C12orf42: variants seen among roughly 807,000 people sequenced by gnomAD.
C12orf42 encodes uncharacterized protein C12orf42.
In C12orf42, 25 loss-of-function variants were observed where a neutral mutation model predicts 21.6. That is an observed-to-expected ratio of 1.16 (90% CI 0.84 to 1.62). The LOEUF (loss-of-function observed/expected upper bound fraction) is 1.62, where lower values mean the gene tolerates loss of function less well. Ranked by LOEUF, C12orf42 falls within the 40% of genes most tolerant of loss-of-function variation. C12orf42 has a pLI of 0.00. For missense variants in C12orf42, 483 were observed against 459.3 expected (o/e 1.05, Z -0.47); for synonymous variants, 174 against 175.0 (o/e 0.99, Z 0.05).
the C12orf42 span, among the ~76,000 whole-genome samples, chr12:103,156,727 T>A: frequency 6.6e-6 from 1 of 152,242 alleles, no homozygotes; most frequent in East Asian, 1.9e-4. Context: ...TATGCGGTAT[T>A]TGGTTCTCTT....
At position 103,419,507 on chromosome 12, in the gene C12orf42, A is replaced by G. The variant is rs193202815; in HGVS notation, c.79-17832T>C. On this transcript the variant is annotated intron_variant, in intron 2 of 5. Transcript: ENST00000548883. ...AGGAAGACAAGTCCTTCACCTCCCCAGGGCTCCTCCTGTAATCCAGTCTAA... is the reference window on the plus strand; with the variant it reads ...AGGAAGACAAGTCCTTCACCTCCCCGGGGCTCCTCCTGTAATCCAGTCTAA... Among the ~76,000 whole-genome samples the G allele has an allele frequency of 2.6e-5, 4 of 152,168 alleles. No individual in the cohort carries two copies. The East Asian group carries it at 7.7e-4, about 29-fold the overall frequency.
intron 4 of C12orf42, among the ~76,000 whole-genome samples, chr12:103,292,909 CA>C (rs2036915827): frequency 6.6e-6 from 1 of 151,812 alleles, no homozygotes; most frequent in Non-Finnish European, 1.5e-5. Flanking sequence ...TTATGATTGA[CA>C]AATATTTAAA....
At chr12:103,149,105 T>C in the C12orf42 span, among the ~76,000 whole-genome samples, 2 of 152,170 alleles carry the variant, frequency 1.3e-5, no homozygotes, top group African/African-American at 4.8e-5. Context: ...TCTTCAGAAA[T>C]CTATTTTGGG....
chr12:103,480,675 C>T (rs1954401008), intron 1 of C12orf42, among the ~76,000 whole-genome samples: 1 of 151,440 alleles, frequency 6.6e-6, no homozygotes, highest in African/African-American at 2.4e-5. Context: ...TTCGTTAACC[C>T]ATATGTTGTT....
chr12:103,201,951 C>T, the C12orf42 span, among the ~76,000 whole-genome samples: 3 of 152,072 alleles, frequency 2.0e-5, no homozygotes, highest in Non-Finnish European at 4.4e-5. Flanking sequence ...AAGAAATGTG[C>T]ATCAAAATGA....
intron 2 of C12orf42, among the ~76,000 whole-genome samples, chr12:103,472,275 C>T (rs11829602): frequency 0.014 from 2,200 of 151,888 alleles, 66 homozygotes; most frequent in African/African-American, 0.05. Flanking sequence ...AGGATGGTCT[C>T]GATCTCCTGA....
intron 4 of C12orf42, among the ~76,000 whole-genome samples, chr12:103,316,175 A>G (rs986270153): frequency 6.6e-6 from 1 of 151,132 alleles, no homozygotes; most frequent in Non-Finnish European, 1.5e-5. Flanking sequence ...CAATATATAT[A>G]CTGATATAAA....
chr12:103,392,257 G>A (rs1386470401), intron 3 of C12orf42, among the ~76,000 whole-genome samples: 2 of 152,156 alleles, frequency 1.3e-5, no homozygotes, highest in African/African-American at 2.4e-5. Context: ...TCAGGAGTAT[G>A]AACATTTGAA....
chr12:103,488,993 G>A (rs1013784954), intron 1 of C12orf42, among the ~76,000 whole-genome samples: 2 of 152,162 alleles, frequency 1.3e-5, no homozygotes, highest in African/African-American at 4.8e-5. Context: ...TCCATTGCTG[G>A]CAAGGAGCTG....
the C12orf42 span, among the ~76,000 whole-genome samples, chr12:103,525,993 T>A: frequency 6.6e-6 from 1 of 152,150 alleles, no homozygotes; most frequent in Non-Finnish European, 1.5e-5. Context: ...ACCACTGCAC[T>A]CCAGCCTGGG....
Position 103,407,364 on chromosome 12 carries a change from A to G in C12orf42, c.79-5689T>C, listed in dbSNP as rs12310973. Among the ~76,000 whole-genome samples, 1,310 of 152,300 alleles carry G rather than the reference A, an allele frequency of 8.6e-3. 22 individuals are homozygous for G. Among genetic ancestry groups the G allele is most frequent in the African/African-American group, 0.03 (1,258 of 41,566 alleles). On this transcript the variant is annotated intron_variant, in intron 2 of 5. Transcript: ENST00000548883. ...ACATGGGTTTGAACTGCGCAGGTCT[A>G]CTAATACAGTGATTTTCTCCCATCT...
At chr12:103,220,632 A>T in the C12orf42 span, among the ~76,000 whole-genome samples, 1 of 152,148 alleles carries the variant, frequency 6.6e-6, no homozygotes, top group African/African-American at 2.4e-5. Context: ...ATTTAAAGAG[A>T]GACAAAACAC....
intron 2 of C12orf42, among the ~76,000 whole-genome samples, chr12:103,410,133 C>G (rs2048723692): frequency 6.6e-6 from 1 of 152,172 alleles, no homozygotes; most frequent in Non-Finnish European, 1.5e-5. Flanking sequence ...CGTAACTCTC[C>G]TACCCCACTG....
chr12:103,552,336 G>C, the C12orf42 span, among the ~76,000 whole-genome samples: 1 of 152,080 alleles, frequency 6.6e-6, no homozygotes, highest in Non-Finnish European at 1.5e-5. Context: ...GAAACTCCTT[G>C]AGTTTTCCCT....
intron 3 of C12orf42, among the ~76,000 whole-genome samples, chr12:103,380,560 A>G (rs1459277621): frequency 6.6e-6 from 1 of 152,226 alleles, no homozygotes; most frequent in Admixed American, 6.5e-5. Context: ...TGTTGTATAA[A>G]ACCAAATCTA....
In C12orf42 at chr12:103,302,188, G is replaced by C. The variant is rs201302533; in HGVS notation, c.1003C>G (p.Pro335Ala). Residue 335 changes from proline to alanine, a missense_variant, in exon 6 of 6, where the codon CCC becomes GCC. Pro to Ala is a conservative substitution (Grantham distance 27). Transcript: ENST00000548883. ...TGGAAACGCCGGGTTGGGCGGGGGG[G>C]TGCTGAGGAGCAAACCTTTATTAAC... ...KRLIKVCSSAPPRPTRRFHTV... is the reference protein window; with the variant it reads ...KRLIKVCSSAAPRPTRRFHTV... 6.2e-7 allele frequency: 1 copy of C among 1,612,642 alleles called. No homozygotes were observed. Among genetic ancestry groups the C allele is most frequent in the Non-Finnish European group, 8.5e-7 (1 of 1,179,396 alleles).
chr12:103,312,647 T>C (rs923797945), intron 4 of C12orf42, among the ~76,000 whole-genome samples: 5 of 152,184 alleles, frequency 3.3e-5, no homozygotes, highest in African/African-American at 1.2e-4. Flanking sequence ...GGGGCTTTTT[T>C]GGTGTTTTGG....
intron 2 of C12orf42, among the ~76,000 whole-genome samples, chr12:103,435,325 A>G (rs1375318933): frequency 1.3e-5 from 2 of 152,380 alleles, no homozygotes; most frequent in African/African-American, 2.4e-5. Context: ...AAAACCGGAA[A>G]TTCTAAAACG....
downstream of C12orf42, among the ~76,000 whole-genome samples, chr12:103,296,964 G>C (rs527708722): frequency 8.5e-5 from 13 of 152,276 alleles, no homozygotes; most frequent in East Asian, 1.9e-3. Flanking sequence ...AATTGCCTAG[G>C]TTTTCTTCTA....
Sources: allele counts gnomAD v4.1 joint callset (sites outside exome capture counted in the v4.1 genomes callset), GRCh38; gene constraint gnomAD v4.1.1; transcripts MANE v1.5; gene names NCBI Gene and HGNC (gene_info 2026-07-23, HGNC 2026-07-21).